SLCO1C1: variants seen among roughly 807,000 people sequenced by gnomAD.
SLCO1C1 encodes the protein OAT-RP-5.
Under a neutral mutation model 76.4 loss-of-function variants are expected in SLCO1C1, and 70 were observed. The observed-to-expected ratio is 0.92, with a 90% CI of 0.76 to 1.12. The LOEUF (loss-of-function observed/expected upper bound fraction) is 1.12, where lower values mean the gene tolerates loss of function less well. Among genes scored for constraint, SLCO1C1 ranks in the 50% most tolerant of loss-of-function variants. The probability of loss-of-function intolerance (pLI) is 0.00; values close to 1 mark genes in which losing one functional copy is unlikely to be tolerated. For missense variants in SLCO1C1, 912 were observed against 823.8 expected, an observed-to-expected ratio of 1.11 and a Z score of -1.31; for synonymous variants, 306 against 286.1, an observed-to-expected ratio of 1.07 and a Z score of -0.70.
At chr12:20,733,167 G>A in intron 10 of SLCO1C1, 63 bp downstream of exon 10, 2 of 1,420,618 alleles carry the variant, frequency 1.4e-6, no homozygotes, top group Non-Finnish European at 1.9e-6. Context: ...ATTATTGGTG[G>A]AGTTGCAAAA....
intron 13 of SLCO1C1, among the ~76,000 whole-genome samples, chr12:20,748,214 G>A (rs533816379): frequency 1.8e-4 from 27 of 152,030 alleles, no homozygotes; most frequent in Non-Finnish European, 3.5e-4. Context: ...TAATCCATAG[G>A]CTTTACTTCC....
Position 20,740,282 on chromosome 12 carries a change from A to T in SLCO1C1, c.1647A>T (p.Gln549His). 1 of 1,613,898 alleles carries T rather than the reference A, an allele frequency of 6.2e-7. No homozygotes were observed. The highest frequency in any genetic ancestry group is 8.5e-7 in the Non-Finnish European group (1 of 1,179,904). ...GRCQKDNGCP[Q>H]MFLYFLVISV... ...GTCAGAAAGACAATGGATGTCCCCA[A>T]ATGTTTCTGTATTTCCTTGTAATTT... is the stretch of plus-strand genomic sequence containing the variant. The change falls in exon 12 of 15, where the codon CAA becomes CAT. Residue 549 changes from glutamine (Q) to histidine (H), a missense_variant. Coordinates refer to ENST00000266509, the MANE Select transcript of SLCO1C1 (RefSeq NM_017435.5).
intron 3 of SLCO1C1, among the ~76,000 whole-genome samples, chr12:20,704,371 G>A (rs1946677270): frequency 6.6e-6 from 1 of 151,488 alleles, no homozygotes; most frequent in Non-Finnish European, 1.5e-5. Context: ...GAGTGTAGGC[G>A]AGAATAGGAG....
intron 7 of SLCO1C1, among the ~76,000 whole-genome samples, chr12:20,718,156 A>AT (rs1320191474): frequency 6.6e-6 from 1 of 152,172 alleles, no homozygotes; most frequent in African/African-American, 2.4e-5. Context: ...CCACTGATGG[A>AT]TTTTAGAGAC....
At chr12:20,742,700 ATT>A (rs5796883) in intron 12 of SLCO1C1, among the ~76,000 whole-genome samples, 27,956 of 140,174 alleles carry the variant, frequency 0.2, 2,924 homozygotes, top group Non-Finnish European at 0.23. Flanking sequence ...TGCCCAGCTA[ATT>A]TTTTTTTTTT....
intron 1 of SLCO1C1, chr12:20,697,529 T>C (rs983441770): frequency 3.3e-5 from 5 of 152,016 alleles, no homozygotes; most frequent in South Asian, 2.1e-4. Context: ...TCAGTAGATA[T>C]AGGAAGTTGG....
At chr12:20,700,929 T>G (rs1946492454) in intron 2 of SLCO1C1, among the ~76,000 whole-genome samples, 1 of 152,032 alleles carries the variant, frequency 6.6e-6, no homozygotes, top group Admixed American at 6.6e-5. Flanking sequence ...AGTGCTGGAC[T>G]TGTTATAGGA....
Position 20,695,560 on chromosome 12 carries a change from T to G in SLCO1C1, c.-273T>G, listed in dbSNP as rs1171225602. ...CCAGCGTGGCCAATTCTCTGCTGAC[T>G]GCCAGAAAAAAGAGGCCAGGAAGAA... On this transcript the variant is annotated 5_prime_UTR_variant, in exon 1 of 15. Coordinates refer to ENST00000266509, the MANE Select transcript of SLCO1C1 (RefSeq NM_017435.5). The G allele has an allele frequency of 1.3e-5, 2 of 152,170 alleles. No homozygotes were observed. The highest frequency in any genetic ancestry group is 2.4e-5 in the African/African-American group (1 of 41,450). The allele number at this position is 152,170 out of a possible 1,614,324, so 9.4% of individuals were successfully genotyped here.
At chr12:20,733,656 C>G (rs1404523723) in intron 10 of SLCO1C1, among the ~76,000 whole-genome samples, 2 of 152,186 alleles carry the variant, frequency 1.3e-5, no homozygotes, top group Non-Finnish European at 2.9e-5. Flanking sequence ...TGCTGTTGTG[C>G]TTGAATCATG....
intron 6 of SLCO1C1, among the ~76,000 whole-genome samples, chr12:20,716,028 A>G (rs1391187518): frequency 6.6e-6 from 1 of 152,160 alleles, no homozygotes; most frequent in Admixed American, 6.5e-5. Flanking sequence ...GACATACATC[A>G]GTCTCGATTT....
At chr12:20,736,219 A>C (rs541182699) in intron 10 of SLCO1C1, among the ~76,000 whole-genome samples, 1 of 152,108 alleles carries the variant, frequency 6.6e-6, no homozygotes, top group African/African-American at 2.4e-5. Flanking sequence ...AGGGAGAGAG[A>C]ATACTGGGAG....
chr12:20,708,465 C>A (rs542833448), intron 4 of SLCO1C1, among the ~76,000 whole-genome samples: 34 of 152,072 alleles, frequency 2.2e-4, no homozygotes, highest in African/African-American at 7.5e-4. Flanking sequence ...AGAAAAATAA[C>A]CCAGTAAAGA....
intron 11 of SLCO1C1, 92 bp downstream of exon 11, chr12:20,737,364 A>G: frequency 7.5e-7 from 1 of 1,330,038 alleles, no homozygotes; most frequent in East Asian, 2.8e-5. Flanking sequence ...CACTACTAGT[A>G]GGAGGCTTGC....
At chr12:20,715,589 A>G (rs1272083041) in intron 6 of SLCO1C1, among the ~76,000 whole-genome samples, 1 of 152,212 alleles carries the variant, frequency 6.6e-6, no homozygotes, top group Admixed American at 6.5e-5. Flanking sequence ...GGTTCTTTTT[A>G]GTGGGTTAAC....
chr12:20,710,200 C>CTTTTTTTTTTT (rs914645913), intron 4 of SLCO1C1, among the ~76,000 whole-genome samples: 4 of 75,484 alleles, frequency 5.3e-5, no homozygotes, highest in Non-Finnish European at 9.2e-5. Flanking sequence ...CTCTACTTTT[C>CTTTTTTTTTTT]TTTTTTTTTT....
chr12:20,752,931 G>A lies in SLCO1C1; in HGVS notation c.*403G>A, dbSNP rs1949378783. 6.5e-6 allele frequency: 1 copy of A among 152,740 alleles called. No homozygotes were observed. The highest frequency in any genetic ancestry group is 1.5e-5 in the Non-Finnish European group (1 of 68,556). 9.5% of individuals were successfully genotyped at this position (152,740 alleles called of 1,614,324 possible). A position where few individuals can be genotyped will look rare whatever the true frequency, so the allele number is the denominator to read the frequency against. On this transcript the variant is annotated 3_prime_UTR_variant, in exon 15 of 15. Coordinates refer to ENST00000266509, the MANE Select transcript of SLCO1C1 (RefSeq NM_017435.5). ...TGCTAACAATTAACTCATACCTTGG[G>A]TTCCTTCAAGTATTACTCCTATAGT...
rs1949051736 is a variant in SLCO1C1 at position 20,746,524 on chromosome 12, TAGATG to T, written c.1798+3157_1798+3161del. Among the ~76,000 whole-genome samples, 3 of 152,260 alleles carry T rather than the reference TAGATG, an allele frequency of 2.0e-5. No individual in the cohort carries two copies. In the South Asian group the frequency reaches 6.2e-4, roughly 32 times the overall value. ...TAACCTTAAAAATAGCTAAAAGCTT[TAGATG>T]AAAGTTGGTGAGCAACTTCATAATG... On this transcript the variant is annotated intron_variant, in intron 13 of 14. Transcript: ENST00000266509.
intron 3 of SLCO1C1, among the ~76,000 whole-genome samples, chr12:20,704,661 C>A (rs531030683): frequency 6.6e-6 from 1 of 151,884 alleles, no homozygotes; most frequent in South Asian, 2.1e-4. Flanking sequence ...ACAAAAATTA[C>A]TGCTTTATTT....
intron 7 of SLCO1C1, among the ~76,000 whole-genome samples, chr12:20,717,648 C>CTTTTTTTTTTTTTTTTTT (rs534946900): frequency 1.2e-4 from 5 of 42,324 alleles, no homozygotes; most frequent in Non-Finnish European, 2.0e-4. Flanking sequence ...AACAGCCCTT[C>CTTTTTTTTTTTTTTTTTT]TTTTTTTTTT....
Sources: allele counts gnomAD v4.1 joint callset (sites outside exome capture counted in the v4.1 genomes callset), GRCh38; gene constraint gnomAD v4.1.1; transcripts MANE v1.5; gene names NCBI Gene and HGNC (gene_info 2026-07-23, HGNC 2026-07-21).